ANXA11: variants seen among roughly 807,000 people sequenced by gnomAD.
ANXA11 encodes 56 kDa autoantigen.
Under a neutral mutation model 64.7 loss-of-function variants are expected in ANXA11, and 57 were observed. That is an observed-to-expected ratio of 0.88 (90% CI 0.71 to 1.10). The LOEUF is 1.10. Among genes scored for constraint, ANXA11 ranks in the 50% least tolerant of loss-of-function variants. The pLI, the probability that ANXA11 is intolerant of heterozygous loss-of-function variation, is 0.00. For synonymous variants in ANXA11, 260 were observed against 265.2 expected, an observed-to-expected ratio of 0.98 and a Z score of 0.19; for missense variants, 675 against 670.7, an observed-to-expected ratio of 1.01 and a Z score of -0.07.
At chr10:80,174,711 C>T (rs1254295802) in intron 2 of ANXA11, among the ~76,000 whole-genome samples, 1 of 151,816 alleles carries the variant, frequency 6.6e-6, no homozygotes, top group South Asian at 2.1e-4. Flanking sequence ...GAGGGCGCAA[C>T]CATCCCTGGC....
At chr10:80,203,620 G>C (rs1188510932) in intron 1 of ANXA11, among the ~76,000 whole-genome samples, 2 of 152,082 alleles carry the variant, frequency 1.3e-5, no homozygotes, top group African/African-American at 2.4e-5. Flanking sequence ...CCACCCTCCA[G>C]AGTCAGAGGA....
At chr10:80,166,016 G>A (rs1160501540) in intron 8 of ANXA11, 68 bp downstream of exon 8, 19 of 998,342 alleles carry the variant, frequency 1.9e-5, no homozygotes, top group Non-Finnish European at 2.3e-5. Context: ...GTGTCCACAC[G>A]CATGCGCGCG....
rs199810762 is a variant in ANXA11 at position 80,167,204 on chromosome 10, T to C, written c.649+22A>G. ...GAAATAGGGGGCAGGGAGTAGGATT[T>C]GAGCCACCCAGGGTCTCTTACCGAA... On this transcript the variant is annotated intron_variant, in intron 6 of 15. Transcript: ENST00000422982. 8.0e-4 allele frequency: 1,288 copies of C among 1,611,534 alleles called. 7 individuals carry two copies. The highest frequency in any genetic ancestry group is 3.8e-4 in the Non-Finnish European group (448 of 1,177,988).
At chr10:80,161,866 C>A in intron 12 of ANXA11, 69 bp downstream of exon 12, 1 of 1,370,500 alleles carries the variant, frequency 7.3e-7, no homozygotes. Context: ...GTTCCCATAG[C>A]TTTGTTTCCC....
At chr10:80,190,828 C>T (rs947788130) in intron 1 of ANXA11, among the ~76,000 whole-genome samples, 23 of 149,246 alleles carry the variant, frequency 1.5e-4, no homozygotes, top group Admixed American at 4.6e-4. Flanking sequence ...CGGTGGCTCA[C>T]GCCTGTAACC....
chr10:80,174,662 C>T (rs747775146), intron 2 of ANXA11, among the ~76,000 whole-genome samples: 29 of 152,184 alleles, frequency 1.9e-4, no homozygotes, highest in Non-Finnish European at 3.7e-4. Flanking sequence ...ACCTCCGCCT[C>T]CTGGGATCAA....
chr10:80,155,943 A>T, intron 15 of ANXA11, 31 bp from the exon 16 acceptor site: 2 of 1,605,794 alleles, frequency 1.2e-6, no homozygotes, highest in Non-Finnish European at 1.7e-6. Flanking sequence ...GACATCCGTT[A>T]AGGGAGGGAC....
rs564219519 is a variant in ANXA11, at chr10:80,166,321, G to A, written c.745-124C>T. On this transcript the variant is annotated intron_variant, in intron 7 of 15. Coordinates refer to ENST00000422982, the MANE Select transcript of ANXA11 (RefSeq NM_145868.2). ...GGAACAGCAGCATGGACATCCCCCA[G>A]GGGCCTGAGAGAAAAGCCTGCTCTC... The A allele has an allele frequency of 1.6e-5, 10 of 615,328 alleles. No individual in the cohort carries two copies. The South Asian group carries it at 2.0e-4, about 12-fold the overall frequency. 38.1% of individuals were successfully genotyped at this position (615,328 alleles called of 1,614,324 possible). A position where few individuals can be genotyped will look rare whatever the true frequency, so the allele number is the denominator to read the frequency against.
chr10:80,154,148 T>C lies in ANXA11; in HGVS notation c.*1705A>G, dbSNP rs945267817. 4.0e-5 allele frequency: 6 copies of C among 150,186 alleles called. No individual in the cohort carries two copies. The highest frequency in any genetic ancestry group is 7.4e-5 in the Non-Finnish European group (5 of 67,818). The allele number at this position is 150,186 out of a possible 1,614,324, so 9.3% of individuals were successfully genotyped here. ...CAGAGTCTCACTCTGTCCACCCAGG[T>C]TGAAGTGCAATGGTGTGATCTCAGC... On this transcript the variant is annotated 3_prime_UTR_variant, in exon 16 of 16. Transcript: ENST00000422982.
At chr10:80,165,785 A>G (rs1167244699) in intron 8 of ANXA11, among the ~76,000 whole-genome samples, 6 of 152,090 alleles carry the variant, frequency 3.9e-5, no homozygotes, top group Admixed American at 3.3e-4. Context: ...ACAGAATCGC[A>G]ACCTTCAAAC....
At chr10:80,182,582 T>C (rs544578716) in intron 1 of ANXA11, among the ~76,000 whole-genome samples, 1 of 152,308 alleles carries the variant, frequency 6.6e-6, no homozygotes, top group Admixed American at 6.5e-5. Flanking sequence ...ACATGCAGGT[T>C]TGTTACATAG....
At chr10:80,202,753 AAG>A (rs1223459823) in intron 1 of ANXA11, among the ~76,000 whole-genome samples, 1 of 152,128 alleles carries the variant, frequency 6.6e-6, no homozygotes, top group Non-Finnish European at 1.5e-5. Context: ...AGTGGCTAAG[AAG>A]AGAGAGGAGG....
chr10:80,184,392 T>G (rs1018115046), intron 1 of ANXA11, among the ~76,000 whole-genome samples: 1 of 152,146 alleles, frequency 6.6e-6, no homozygotes, highest in African/African-American at 2.4e-5. Context: ...AAGAGTGACA[T>G]GCACTCAATA....
At chr10:80,176,889 A>C (rs1846189494) in intron 1 of ANXA11, among the ~76,000 whole-genome samples, 1 of 151,960 alleles carries the variant, frequency 6.6e-6, no homozygotes, top group East Asian at 1.9e-4. Flanking sequence ...CCTCTCCCCA[A>C]GATATACCTC....
chr10:80,157,380 AC>A, intron 15 of ANXA11: 4 of 985,434 alleles, frequency 4.1e-6, no homozygotes, highest in Non-Finnish European at 4.8e-6. Flanking sequence ...GCTGAAGGTC[AC>A]GGTCAAGGTT....
chr10:80,156,033 CT>C, intron 15 of ANXA11, 121 bp from the exon 16 acceptor site: 1 of 1,039,874 alleles, frequency 9.6e-7, no homozygotes, highest in Non-Finnish European at 1.5e-6. Context: ...GGGGAATTTT[CT>C]CCCACTGCAG....
rs1845762133 is a variant in ANXA11 at position 80,166,897 on chromosome 10, T to A, written c.737A>T (p.Tyr246Phe). The change falls in exon 7 of 16, where the codon TAC becomes TTC. Residue 246 changes from tyrosine to phenylalanine, a missense_variant. Coordinates refer to ENST00000422982, the MANE Select transcript of ANXA11 (RefSeq NM_145868.2). Reference sequence around the variant, plus strand: ...CCCCACCCCGCAGCTCGCCTTGCCGTAAGCCGTCTTGAAGGAAAGTAGGAT... The same window carrying A: ...CCCCACCCCGCAGCTCGCCTTGCCGAAAGCCGTCTTGAAGGAAAGTAGGAT... Reference protein sequence around the residue: ...QQILLSFKTAYGKDLIKDLKS... With the variant: ...QQILLSFKTAFGKDLIKDLKS... 1 of 1,605,928 alleles carries A rather than the reference T, an allele frequency of 6.2e-7. No homozygotes were observed. The highest frequency in any genetic ancestry group is 8.5e-7 in the Non-Finnish European group (1 of 1,177,110).
At chr10:80,157,016 ACACAGC>A (rs1845302353) in intron 15 of ANXA11, 1 of 985,328 alleles carries the variant, frequency 1.0e-6, no homozygotes, top group African/African-American at 1.7e-5. Flanking sequence ...TGGCTCTGCC[ACACAGC>A]GATACAACTG....
chr10:80,192,145 C>T (rs932868444), intron 1 of ANXA11, among the ~76,000 whole-genome samples: 2 of 152,228 alleles, frequency 1.3e-5, no homozygotes, highest in South Asian at 2.1e-4. Flanking sequence ...GTTGCTGCTT[C>T]CTGCCCGAGG....
Sources: gnomAD v4.1 joint callset for allele counts (sites outside exome capture counted in the v4.1 genomes callset) on GRCh38, gnomAD v4.1.1 for gene constraint, MANE v1.5 for transcripts, NCBI Gene and HGNC (gene_info 2026-07-23, HGNC 2026-07-21) for gene names.